Variants in NELL1 observed in about 807,000 individuals in gnomAD.
NELL1 encodes protein kinase C-binding protein NELL1.
A neutral mutation model predicts 107.4 loss-of-function variants in NELL1; 76 were observed. That is an observed-to-expected ratio of 0.71 (90% CI 0.59 to 0.86). The LOEUF is 0.86. Among genes scored for constraint, NELL1 ranks in the 40% least tolerant of loss-of-function variants. The pLI, the probability that NELL1 is intolerant of heterozygous loss-of-function variation, is 0.00. For missense variants in NELL1, 1,024 were observed against 1,005.5 expected (o/e 1.02, Z -0.25); for synonymous variants, 353 against 341.2 (o/e 1.03, Z -0.38).
At chr11:21,511,489 A>G (rs1046408338) in intron 15 of NELL1, among the ~76,000 whole-genome samples, 2 of 152,162 alleles carry the variant, frequency 1.3e-5, no homozygotes, top group African/African-American at 2.4e-5. Context: ...CTGGGTTTAC[A>G]GTGCAGTGAA....
intron 13 of NELL1, among the ~76,000 whole-genome samples, chr11:21,161,306 G>T (rs1856363554): frequency 6.6e-6 from 1 of 152,210 alleles, no homozygotes; most frequent in Non-Finnish European, 1.5e-5. Context: ...GGGAGGCTGA[G>T]ACAGGCAGAT....
At chr11:21,058,952 AAAAT>A (rs927495133) in intron 12 of NELL1, among the ~76,000 whole-genome samples, 36 of 152,254 alleles carry the variant, frequency 2.4e-4, no homozygotes, top group African/African-American at 8.2e-4. Flanking sequence ...GTGCAAGTGG[AAAAT>A]AAAATTGCAT....
At chr11:20,698,928 G>T (rs1564866579) in intron 2 of NELL1, among the ~76,000 whole-genome samples, 1 of 152,054 alleles carries the variant, frequency 6.6e-6, no homozygotes, top group Non-Finnish European at 1.5e-5. Context: ...TAGAATAACG[G>T]TCTCCAAACT....
chr11:21,256,067 T>C (rs893394892), intron 14 of NELL1, among the ~76,000 whole-genome samples: 2 of 152,044 alleles, frequency 1.3e-5, no homozygotes, highest in Admixed American at 6.6e-5. Flanking sequence ...GTGATTCTCT[T>C]AAGAACAGAC....
At chr11:21,372,350 C>T (rs945024520) in intron 15 of NELL1, among the ~76,000 whole-genome samples, 5 of 151,426 alleles carry the variant, frequency 3.3e-5, no homozygotes, top group South Asian at 4.2e-4. Flanking sequence ...AAACTGAATA[C>T]ACAGAATTAA....
At chr11:21,003,576 G>C (rs1184406315) in intron 12 of NELL1, among the ~76,000 whole-genome samples, 1 of 152,058 alleles carries the variant, frequency 6.6e-6, no homozygotes, top group African/African-American at 2.4e-5. Context: ...GTAAATGAAA[G>C]AGCTGGGACC....
At chr11:20,802,270 A>G (rs964657708) in intron 3 of NELL1, among the ~76,000 whole-genome samples, 13 of 151,970 alleles carry the variant, frequency 8.6e-5, no homozygotes, top group African/African-American at 2.7e-4. Flanking sequence ...TCTTTTATCA[A>G]TGTTTTCAAG....
At chr11:21,388,018 T>C (rs1056682512) in intron 15 of NELL1, among the ~76,000 whole-genome samples, 1 of 151,726 alleles carries the variant, frequency 6.6e-6, no homozygotes, top group African/African-American at 2.4e-5. Context: ...CTTATGTTTG[T>C]AAAGCTAAGA....
chr11:21,335,808 A>G (rs1183243555), intron 14 of NELL1, among the ~76,000 whole-genome samples: 3 of 152,032 alleles, frequency 2.0e-5, no homozygotes, highest in Non-Finnish European at 2.9e-5. Flanking sequence ...GAGAGAGCCA[A>G]TTGACTGATG....
intron 9 of NELL1, among the ~76,000 whole-genome samples, chr11:20,932,827 T>G (rs1033636045): frequency 6.6e-6 from 1 of 152,144 alleles, no homozygotes; most frequent in Non-Finnish European, 1.5e-5. Flanking sequence ...TCTGTTACAA[T>G]AAAGAATATT....
In NELL1 at chr11:21,573,413, A is replaced by G; in HGVS notation, c.2382+4A>G. On this transcript the variant is annotated splice_donor_region_variant and intron_variant, in intron 19 of 19. Transcript: ENST00000357134. ...CTGCACAACCTGTAAATGCAAGGTA[A>G]TTGGATGTTCTGCGGATATTGAAGC... is the stretch of plus-strand genomic sequence containing the variant. The G allele has an allele frequency of 6.2e-7, 1 of 1,609,980 alleles. No homozygotes were observed. The highest frequency in any genetic ancestry group is 8.5e-7 in the Non-Finnish European group (1 of 1,177,598).
At chr11:20,924,761 T>C (rs1310077926) in intron 7 of NELL1, among the ~76,000 whole-genome samples, 2 of 152,180 alleles carry the variant, frequency 1.3e-5, no homozygotes, top group African/African-American at 4.8e-5. Flanking sequence ...TTCAACTCTG[T>C]TGTTCAATCC....
At chr11:21,148,387 G>A (rs1165061089) in intron 13 of NELL1, among the ~76,000 whole-genome samples, 1 of 152,120 alleles carries the variant, frequency 6.6e-6, no homozygotes, top group Non-Finnish European at 1.5e-5. Context: ...GGAGAGACTG[G>A]TATTTCAGTC....
At chr11:21,364,191 A>G (rs1294349129) in intron 14 of NELL1, among the ~76,000 whole-genome samples, 1 of 151,974 alleles carries the variant, frequency 6.6e-6, no homozygotes, top group African/African-American at 2.4e-5. Flanking sequence ...TGGGTGGATC[A>G]CAAGGTCAGG....
intron 15 of NELL1, among the ~76,000 whole-genome samples, chr11:21,375,709 A>G (rs548393001): frequency 2.8e-4 from 42 of 152,218 alleles, no homozygotes; most frequent in African/African-American, 9.9e-4. Context: ...CCTCACCAGC[A>G]TCTGTTGTTT....
rs181602053 is a variant in NELL1, at chr11:20,765,280, A to T, written c.185-18400A>T. ...CGTACAGATAGCTTCAGAAAGGCTT[A>T]ATTTTCTAGGTTCATACAGGTTCAG... On this transcript the variant is annotated intron_variant, in intron 2 of 19. Transcript: ENST00000357134. Among the ~76,000 whole-genome samples, 16 of 152,324 alleles carry T rather than the reference A, an allele frequency of 1.1e-4. No individual in the cohort carries two copies. The East Asian group carries it at 3.1e-3, about 29-fold the overall frequency.
At chr11:21,080,189 T>G (rs1854232512) in intron 12 of NELL1, among the ~76,000 whole-genome samples, 1 of 152,072 alleles carries the variant, frequency 6.6e-6, no homozygotes, top group South Asian at 2.1e-4. Flanking sequence ...TCATTTCAAT[T>G]AAATATAATG....
intron 14 of NELL1, among the ~76,000 whole-genome samples, chr11:21,273,716 T>G (rs936429625): frequency 3.3e-5 from 5 of 152,128 alleles, no homozygotes; most frequent in African/African-American, 1.2e-4. Context: ...CGGCAGAAAC[T>G]CTACAAGCCA....
At chr11:21,506,069 T>C (rs1564929820) in intron 15 of NELL1, among the ~76,000 whole-genome samples, 1 of 152,198 alleles carries the variant, frequency 6.6e-6, no homozygotes. Context: ...TAAAAAATCA[T>C]TCTAGTGTGT....
Sources: gnomAD v4.1 joint callset for allele counts (sites outside exome capture counted in the v4.1 genomes callset) on GRCh38, gnomAD v4.1.1 for gene constraint, MANE v1.5 for transcripts, NCBI Gene and HGNC (gene_info 2026-07-23, HGNC 2026-07-21) for gene names.